The following KLHL1 variants were observed in gnomAD, a reference collection of about 807,000 sequenced individuals.
The protein encoded by KLHL1 is kelch-like protein 1.
Under a neutral mutation model 77.7 loss-of-function variants are expected in KLHL1, and 47 were observed. The observed-to-expected ratio is 0.60, with a 90% confidence interval of 0.48 to 0.77. The LOEUF (loss-of-function observed/expected upper bound fraction) is 0.77. Among genes scored for constraint, KLHL1 ranks in the 30% least tolerant of loss-of-function variants. KLHL1 has a pLI of 0.00. For synonymous variants in KLHL1, 360 were observed against 325.2 expected (o/e 1.11, Z -1.15); for missense variants, 925 against 910.8 (o/e 1.02, Z -0.20).
At chr13:69,750,186 T>G (rs952756618) in intron 7 of KLHL1, among the ~76,000 whole-genome samples, 5 of 151,720 alleles carry the variant, frequency 3.3e-5, no homozygotes, top group Non-Finnish European at 7.4e-5. Context: ...ATAATATATA[T>G]ATGACCTTCC....
intron 3 of KLHL1, among the ~76,000 whole-genome samples, chr13:69,959,648 C>T (rs542090422): frequency 7.9e-6 from 1 of 125,870 alleles, no homozygotes; most frequent in South Asian, 2.5e-4. Context: ...GCTAGTTTTA[C>T]AACCCGTAAC....
chr13:70,105,986 AAT>A (rs982878202), intron 1 of KLHL1, among the ~76,000 whole-genome samples: 9 of 150,624 alleles, frequency 6.0e-5, no homozygotes, highest in African/African-American at 2.2e-4. Context: ...AAAATTAAAA[AAT>A]ATATATAATG....
intron 1 of KLHL1, among the ~76,000 whole-genome samples, chr13:70,095,040 C>A (rs1359950422): frequency 6.6e-6 from 1 of 152,200 alleles, no homozygotes; most frequent in Non-Finnish European, 1.5e-5. Context: ...TTTACAGCTA[C>A]TGTTGTAGCT....
At chr13:69,941,654 C>T (rs1416453657) in intron 3 of KLHL1, among the ~76,000 whole-genome samples, 2 of 151,648 alleles carry the variant, frequency 1.3e-5, no homozygotes, top group Non-Finnish European at 1.5e-5. Context: ...AAAAGCAATC[C>T]AAAAGATAAA....
chr13:69,988,820 T>A (rs1322512398), intron 1 of KLHL1, among the ~76,000 whole-genome samples: 1 of 152,020 alleles, frequency 6.6e-6, no homozygotes, highest in Non-Finnish European at 1.5e-5. Context: ...GATTTTTGTG[T>A]GTGTGTTTAT....
At chr13:69,814,191 T>C (rs1161463496) in intron 6 of KLHL1, among the ~76,000 whole-genome samples, 1 of 152,210 alleles carries the variant, frequency 6.6e-6, no homozygotes, top group South Asian at 2.1e-4. Flanking sequence ...AGGCTTACCA[T>C]ACGCAGAAAA....
intron 3 of KLHL1, among the ~76,000 whole-genome samples, chr13:69,942,884 T>TTTGA (rs1317009053): frequency 6.6e-6 from 1 of 152,164 alleles, no homozygotes; most frequent in Admixed American, 6.6e-5. Context: ...TGTAGCTTTC[T>TTTGA]TTGATTTTTT....
chr13:69,740,289 T>C, intron 8 of KLHL1, 105 bp downstream of exon 8: 1 of 797,408 alleles, frequency 1.3e-6, no homozygotes, highest in Non-Finnish European at 1.9e-6. Flanking sequence ...CAGCTTAAAA[T>C]GTTTTAAAAC....
At position 70,106,734 on chromosome 13, in the gene KLHL1, C is replaced by T. The variant is rs148699449; in HGVS notation, c.497+469G>A. Among the ~76,000 whole-genome samples, 983 of 152,224 alleles carry T rather than the reference C, an allele frequency of 6.5e-3. 6 individuals carry two copies. Among genetic ancestry groups the T allele is most frequent in the Admixed American group, 9.6e-3 (147 of 15,290 alleles). On this transcript the variant is annotated intron_variant, in intron 1 of 10. Transcript: ENST00000377844. ...TTGCTGTCCAGTGGCCTCATTTTGT[C>T]CACCTCATTACTCCTGGAATAGATT...
At chr13:69,850,160 C>T (rs1223813308) in intron 5 of KLHL1, among the ~76,000 whole-genome samples, 1 of 151,494 alleles carries the variant, frequency 6.6e-6, no homozygotes, top group Admixed American at 6.6e-5. Context: ...GAATATTCCA[C>T]TAACAATTCA....
In KLHL1 at chr13:69,876,880, A is replaced by G. The variant is rs1419785417; in HGVS notation, c.1227+5403T>C. Among the ~76,000 whole-genome samples, 5 of 152,296 alleles carry G rather than the reference A, an allele frequency of 3.3e-5. No individual in the cohort carries two copies. The East Asian group carries it at 7.7e-4, about 24-fold the overall frequency. On this transcript the variant is annotated intron_variant, in intron 5 of 10. Coordinates refer to ENST00000377844, the MANE Select transcript of KLHL1 (RefSeq NM_020866.3). ...TGGCAAAACCCCGTCTCTATTAAAA[A>G]TACAAAATTAGCCGTGCGTGGTGGC...
chr13:70,010,587 G>A (rs1226532341), intron 1 of KLHL1, among the ~76,000 whole-genome samples: 2 of 151,996 alleles, frequency 1.3e-5, no homozygotes, highest in Non-Finnish European at 2.9e-5. Context: ...AATAGGAGAA[G>A]TAGTTATATA....
intron 7 of KLHL1, among the ~76,000 whole-genome samples, chr13:69,782,212 C>A (rs547589919): frequency 1.1e-4 from 16 of 152,298 alleles, no homozygotes; most frequent in South Asian, 2.1e-4. Flanking sequence ...GGAACAGCTC[C>A]GGTCTACAGC....
chr13:69,746,154 T>C (rs188657824), intron 7 of KLHL1, among the ~76,000 whole-genome samples: 36 of 151,822 alleles, frequency 2.4e-4, no homozygotes, highest in African/African-American at 8.4e-4. Flanking sequence ...ATGTATTGAC[T>C]ATATCCAGTA....
chr13:69,982,437 A>AAATAATAATAAT (rs34183465), intron 1 of KLHL1, among the ~76,000 whole-genome samples: 25 of 135,740 alleles, frequency 1.8e-4, no homozygotes, highest in East Asian at 6.3e-4. Context: ...CTCCATCTCC[A>AAATAATAATAAT]AATAATAATA....
chr13:69,701,784 A>G (rs2137863322), intron 10 of KLHL1, 23 bp from the exon 11 acceptor site: 2 of 1,535,464 alleles, frequency 1.3e-6, no homozygotes, highest in Non-Finnish European at 1.8e-6. Flanking sequence ...ATGAAACACA[A>G]CTTAAGACAA....
intron 1 of KLHL1, among the ~76,000 whole-genome samples, chr13:70,025,428 T>C (rs1351100529): frequency 2.0e-5 from 3 of 152,082 alleles, no homozygotes; most frequent in South Asian, 4.1e-4. Flanking sequence ...TGTCATGTAA[T>C]GGGAGTTAGT....
intron 4 of KLHL1, among the ~76,000 whole-genome samples, chr13:69,897,312 C>G (rs888824507): frequency 6.6e-6 from 1 of 152,024 alleles, no homozygotes; most frequent in Non-Finnish European, 1.5e-5. Context: ...ACTCATGGTC[C>G]CTTGGCAATG....
chr13:69,808,582 A>G (rs1276997170), intron 6 of KLHL1, among the ~76,000 whole-genome samples: 2 of 152,176 alleles, frequency 1.3e-5, no homozygotes, highest in African/African-American at 2.4e-5. Flanking sequence ...TCCAAATGAT[A>G]GCAAATTAAA....
Sources: allele counts gnomAD v4.1 joint callset (sites outside exome capture counted in the v4.1 genomes callset), GRCh38; gene constraint gnomAD v4.1.1; transcripts MANE v1.5; gene names NCBI Gene and HGNC (gene_info 2026-07-23, HGNC 2026-07-21).